CDIN1: variants seen among roughly 807,000 people sequenced by gnomAD.
The protein encoded by CDIN1 is CDAN1 interacting nuclease 1.
CDIN1 carries 33 observed loss-of-function variants against 45.3 expected under a neutral mutation model. The observed-to-expected ratio is 0.73, with a 90% CI of 0.55 to 0.97. CDIN1 has a LOEUF of 0.97. CDIN1 is among the 50% of genes least tolerant of loss of function. The probability of loss-of-function intolerance (pLI) is 0.00; values close to 1 mark genes in which losing one functional copy is unlikely to be tolerated. For missense variants in CDIN1, 303 were observed against 339.4 expected (o/e 0.89, Z 0.84); for synonymous variants, 118 against 124.4 (o/e 0.95, Z 0.34).
chr15:36,706,729 C>T (rs1034676677), intron 8 of CDIN1: 2 of 151,960 alleles, frequency 1.3e-5, no homozygotes, highest in Non-Finnish European at 2.9e-5. Flanking sequence ...ACATGTAGAA[C>T]AGACAGTTGG....
chr15:36,657,171 G>C (rs1325483542), intron 4 of CDIN1, among the ~76,000 whole-genome samples: 1 of 152,118 alleles, frequency 6.6e-6, no homozygotes, highest in Non-Finnish European at 1.5e-5. Context: ...CCTGGGATCT[G>C]TATTAATTAA....
At chr15:36,709,362 A>G (rs958275584) in intron 9 of CDIN1, 74 bp downstream of exon 9, 3 of 1,112,456 alleles carry the variant, frequency 2.7e-6, no homozygotes, top group Admixed American at 2.7e-5. Context: ...TTATGTTAAT[A>G]TTAGCTTTAT....
At chr15:36,761,662 G>A (rs956493528) in intron 10 of CDIN1, among the ~76,000 whole-genome samples, 2 of 152,168 alleles carry the variant, frequency 1.3e-5, no homozygotes, top group Non-Finnish European at 2.9e-5. Context: ...ACACCGCAAC[G>A]AAAGCACTTC....
chr15:36,660,160 C>A (rs551495226), intron 5 of CDIN1, among the ~76,000 whole-genome samples: 1 of 151,878 alleles, frequency 6.6e-6, no homozygotes, highest in African/African-American at 2.4e-5. Context: ...TGAAACAATG[C>A]GGGGATAATT....
intron 1 of CDIN1, among the ~76,000 whole-genome samples, chr15:36,615,179 C>T (rs1312603772): frequency 6.6e-6 from 1 of 152,130 alleles, no homozygotes; most frequent in African/African-American, 2.4e-5. Context: ...TGAAACTTTG[C>T]TTCTTTGGGT....
intron 10 of CDIN1, among the ~76,000 whole-genome samples, chr15:36,718,505 A>G (rs1961646): frequency 0.42 from 63,275 of 151,862 alleles, 14,105 homozygotes; most frequent in East Asian, 0.66. Flanking sequence ...CTCTCCATTT[A>G]TTTAGGTCTT....
At chr15:36,769,706 A>G (rs946405753) in intron 10 of CDIN1, among the ~76,000 whole-genome samples, 2 of 152,072 alleles carry the variant, frequency 1.3e-5, no homozygotes, top group African/African-American at 4.8e-5. Context: ...TTTATTAAGT[A>G]CCTTCCTCAA....
chr15:36,671,856 G>A (rs2041464322), intron 5 of CDIN1, among the ~76,000 whole-genome samples: 1 of 152,114 alleles, frequency 6.6e-6, no homozygotes, highest in Admixed American at 6.6e-5. Flanking sequence ...TGAGCCTTGT[G>A]TTGTGTGCAG....
In CDIN1 at chr15:36,688,921, A is replaced by G. The variant is rs2042149462; in HGVS notation, c.347-2764A>G. Among the ~76,000 whole-genome samples the G allele has an allele frequency of 2.6e-5, 4 of 152,188 alleles. No homozygotes were observed. In the South Asian group the frequency reaches 8.3e-4, roughly 32 times the overall value. On this transcript the variant is annotated intron_variant, in intron 5 of 10. Coordinates refer to ENST00000566621, the MANE Select transcript of CDIN1 (RefSeq NM_001321759.2). ...TTTGGCAGATACATCCTGGGTCCAC[A>G]GCACAGGCAGTCACTTCCTAGAGGA...
At chr15:36,580,608 C>T (rs1280162120) in intron 1 of CDIN1, among the ~76,000 whole-genome samples, 1 of 152,136 alleles carries the variant, frequency 6.6e-6, no homozygotes. Context: ...CTTCTTTTTT[C>T]AGCGATTTTA....
chr15:36,790,870 C>T (rs1156758830), intron 10 of CDIN1, among the ~76,000 whole-genome samples: 1 of 152,138 alleles, frequency 6.6e-6, no homozygotes, highest in South Asian at 2.1e-4. Context: ...ACTTTAGGTT[C>T]GGGGATCTAT....
In CDIN1 at chr15:36,632,426, AG is replaced by A. The variant is rs773087909; in HGVS notation, c.102-11851del. 2.6e-5 allele frequency among the ~76,000 whole-genome samples: 4 copies of A among 152,234 alleles called. No homozygotes were observed. The East Asian group carries it at 5.8e-4, about 22-fold the overall frequency. On this transcript the variant is annotated intron_variant, in intron 1 of 10. Coordinates refer to ENST00000566621, the MANE Select transcript of CDIN1 (RefSeq NM_001321759.2). ...AACCAGAGAAGATGACTCATATCAC[AG>A]AAGAGGAGGCTGACAGGTCTTCATG... is the stretch of plus-strand genomic sequence containing the variant.
At chr15:36,672,025 T>C (rs1236582246) in intron 5 of CDIN1, among the ~76,000 whole-genome samples, 2 of 152,232 alleles carry the variant, frequency 1.3e-5, no homozygotes, top group South Asian at 2.1e-4. Context: ...GTTGTTTTTT[T>C]CCCCACCAGG....
intron 5 of CDIN1, among the ~76,000 whole-genome samples, chr15:36,675,539 C>T (rs917766044): frequency 5.9e-5 from 9 of 152,150 alleles, no homozygotes; most frequent in African/African-American, 1.9e-4. Context: ...TTTTTGTAAA[C>T]TCTATCTCTC....
chr15:36,703,765 A>G (rs944952895), intron 8 of CDIN1, among the ~76,000 whole-genome samples: 21 of 152,028 alleles, frequency 1.4e-4, no homozygotes, highest in Non-Finnish European at 2.5e-4. Context: ...GTGTCTCAGA[A>G]CTGCTAGTAT....
chr15:36,638,576 G>T (rs1172202710), intron 1 of CDIN1, among the ~76,000 whole-genome samples: 1 of 152,178 alleles, frequency 6.6e-6, no homozygotes, highest in Non-Finnish European at 1.5e-5. Context: ...TACCTTTGCT[G>T]CAGGGAGAAT....
At chr15:36,688,309 C>G (rs929720339) in intron 5 of CDIN1, among the ~76,000 whole-genome samples, 1 of 151,574 alleles carries the variant, frequency 6.6e-6, no homozygotes, top group African/African-American at 2.4e-5. Flanking sequence ...AAATTTATTG[C>G]AGACGTAGAA....
At chr15:36,698,796 T>G (rs1307266008) in intron 8 of CDIN1, among the ~76,000 whole-genome samples, 2 of 152,170 alleles carry the variant, frequency 1.3e-5, no homozygotes, top group African/African-American at 4.8e-5. Context: ...TCAGCCCCAT[T>G]TTTTTGTTTG....
chr15:36,798,913 T>C (rs1459484584), intron 10 of CDIN1: 1 of 152,212 alleles, frequency 6.6e-6, no homozygotes, highest in African/African-American at 2.4e-5. Flanking sequence ...GCAAGTCTGA[T>C]GGTTGATTAA....
Sources: allele counts gnomAD v4.1 joint callset (sites outside exome capture counted in the v4.1 genomes callset), GRCh38; gene constraint gnomAD v4.1.1; transcripts MANE v1.5; gene names NCBI Gene and HGNC (gene_info 2026-07-23, HGNC 2026-07-21).